Variants in MICU1 observed in about 807,000 individuals in gnomAD.
The protein encoded by MICU1 is mitochondrial calcium uptake 1.
In MICU1, 45 loss-of-function variants were observed where a neutral mutation model predicts 56.8. That is an observed-to-expected ratio of 0.79 (90% CI 0.62 to 1.02). The LOEUF is 1.02. Among genes scored for constraint, MICU1 ranks in the 50% least tolerant of loss-of-function variants. The pLI is 0.00. For synonymous variants in MICU1, 186 were observed against 195.1 expected, an observed-to-expected ratio of 0.95 and a Z score of 0.39; for missense variants, 504 against 587.1, an observed-to-expected ratio of 0.86 and a Z score of 1.46.
chr10:72,441,563 A>T (rs1040022924), intron 8 of MICU1, among the ~76,000 whole-genome samples: 1 of 150,292 alleles, frequency 6.7e-6, no homozygotes, highest in Non-Finnish European at 1.5e-5. Context: ...AAAAAAAAAA[A>T]AAAGAAATAA....
intron 4 of MICU1, among the ~76,000 whole-genome samples, chr10:72,548,803 T>A (rs1400720666): frequency 6.6e-6 from 1 of 152,154 alleles, no homozygotes; most frequent in African/African-American, 2.4e-5. Flanking sequence ...TTCAAGTGAT[T>A]CTCCTGCCTC....
In MICU1 at chr10:72,591,418, A is replaced by G. The variant is rs563803212; in HGVS notation, c.-1-24624T>C. 7.9e-5 allele frequency among the ~76,000 whole-genome samples: 12 copies of G among 152,212 alleles called. No individual in the cohort carries two copies. In the East Asian group the frequency reaches 2.1e-3, roughly 27 times the overall value. ...ATGAAAAAGAGAAAAAAATAGAGAA[A>G]AATCAGTAAAACCAAAAGCTGGTTA... On this transcript the variant is annotated intron_variant, in intron 1 of 11. Coordinates refer to ENST00000361114, the MANE Select transcript of MICU1 (RefSeq NM_001195518.2).
At chr10:72,451,314 T>C (rs185094569) in intron 8 of MICU1, among the ~76,000 whole-genome samples, 1 of 152,156 alleles carries the variant, frequency 6.6e-6, no homozygotes, top group Non-Finnish European at 1.5e-5. Context: ...TGAGCCACCA[T>C]GCCTGGCCTA....
At chr10:72,503,760 G>A (rs1433010641) in intron 6 of MICU1, among the ~76,000 whole-genome samples, 1 of 151,872 alleles carries the variant, frequency 6.6e-6, no homozygotes, top group African/African-American at 2.4e-5. Flanking sequence ...TGACTTTACT[G>A]AAGTTTCAGG....
chr10:72,596,830 G>A (rs560762692), intron 1 of MICU1, among the ~76,000 whole-genome samples: 350 of 149,414 alleles, frequency 2.3e-3, no homozygotes, highest in Non-Finnish European at 3.3e-3. Flanking sequence ...CCGAGATGGC[G>A]CCACTGCACT....
intron 2 of MICU1, 82 bp from the exon 3 acceptor site, chr10:72,563,145 G>A: frequency 9.6e-7 from 1 of 1,046,602 alleles, no homozygotes; most frequent in Non-Finnish European, 1.3e-6. Flanking sequence ...CAGCTTAGCA[G>A]AGCAACAGCA....
chr10:72,596,868 G>A (rs552474888), intron 1 of MICU1, among the ~76,000 whole-genome samples: 7 of 145,014 alleles, frequency 4.8e-5, no homozygotes, highest in African/African-American at 1.3e-4. Flanking sequence ...GGAAGACCCC[G>A]TCTCAAAAAA....
chr10:72,601,428 TAAAAAAAA>T (rs77385847), intron 1 of MICU1, among the ~76,000 whole-genome samples: 2 of 91,020 alleles, frequency 2.2e-5, no homozygotes, highest in African/African-American at 8.5e-5. Flanking sequence ...ACCCTGTCTT[TAAAAAAAA>T]AAAAAAAAAA....
chr10:72,502,134 C>T (rs1437152749), intron 6 of MICU1, among the ~76,000 whole-genome samples: 1 of 145,312 alleles, frequency 6.9e-6, no homozygotes, highest in Non-Finnish European at 1.5e-5. Context: ...AGTTCATTAA[C>T]TTTGTTTTGC....
chr10:72,468,294 C>CTT (rs35225891), intron 8 of MICU1, among the ~76,000 whole-genome samples: 38 of 136,660 alleles, frequency 2.8e-4, no homozygotes, highest in Non-Finnish European at 4.0e-4. Context: ...TTAGTTTTTG[C>CTT]TTTTTTTTTT....
At chr10:72,506,894 C>A (rs1272283689) in intron 6 of MICU1, among the ~76,000 whole-genome samples, 1 of 152,088 alleles carries the variant, frequency 6.6e-6, no homozygotes, top group Non-Finnish European at 1.5e-5. Context: ...ATTTTCATTG[C>A]CAGGGTACTG....
At chr10:72,387,027 A>T (rs1490050940) in intron 10 of MICU1, among the ~76,000 whole-genome samples, 1 of 152,222 alleles carries the variant, frequency 6.6e-6, no homozygotes, top group Non-Finnish European at 1.5e-5. Context: ...TCTTACTTCA[A>T]ATGTACCTGA....
intron 8 of MICU1, among the ~76,000 whole-genome samples, chr10:72,423,574 A>G (rs1864249359): frequency 6.6e-6 from 1 of 152,206 alleles, no homozygotes; most frequent in Non-Finnish European, 1.5e-5. Flanking sequence ...TACTATTGTC[A>G]GAGACAGTCA....
chr10:72,470,889 CTT>C (rs1419772055), intron 8 of MICU1, among the ~76,000 whole-genome samples: 1 of 152,196 alleles, frequency 6.6e-6, no homozygotes, highest in African/African-American at 2.4e-5. Context: ...AAGGAACAGT[CTT>C]AGCACATCTT....
At chr10:72,427,131 G>A (rs1326333994) in intron 8 of MICU1, among the ~76,000 whole-genome samples, 1 of 152,218 alleles carries the variant, frequency 6.6e-6, no homozygotes, top group South Asian at 2.1e-4. Context: ...TGTCTAGGAA[G>A]AGAGCTTAAC....
At chr10:72,436,328 G>A (rs901146395) in intron 8 of MICU1, among the ~76,000 whole-genome samples, 3 of 152,314 alleles carry the variant, frequency 2.0e-5, no homozygotes, top group African/African-American at 7.2e-5. Context: ...GGACCTGACT[G>A]TTAGAAGGAA....
intron 8 of MICU1, among the ~76,000 whole-genome samples, chr10:72,471,619 G>C (rs1046588876): frequency 6.6e-6 from 1 of 151,548 alleles, no homozygotes; most frequent in Non-Finnish European, 1.5e-5. Flanking sequence ...TTTTGTTTTT[G>C]CTAAAAGTAT....
chr10:72,524,088 C>T, intron 5 of MICU1: 1 of 776,792 alleles, frequency 1.3e-6, no homozygotes. Context: ...AGTCCTGTTA[C>T]AGTTCAAGTA....
rs60373032 is a variant in MICU1 at position 72,403,629 on chromosome 10, TTGTGTGTGTGTGTGTGTGTG to T, written c.1180+4280_1180+4299del. 2.9e-5 allele frequency among the ~76,000 whole-genome samples: 4 copies of T among 139,932 alleles called. No individual in the cohort carries two copies. The East Asian group carries it at 8.8e-4, about 31-fold the overall frequency. The allele number at this position is 139,932 out of a possible 152,430, so 91.8% of individuals were successfully genotyped here. A position where few individuals can be genotyped will look rare whatever the true frequency, so the allele number is the denominator to read the frequency against. On this transcript the variant is annotated intron_variant, in intron 10 of 11. Coordinates refer to ENST00000361114, the MANE Select transcript of MICU1 (RefSeq NM_001195518.2). ...ATGTAAAAAATATTACATACCAAAA[TTGTGTGTGTGTGTGTGTGTG>T]TGTGTGTGTGTGTGTGTGTGTTTTG...
Sources: gnomAD v4.1 joint callset for allele counts (sites outside exome capture counted in the v4.1 genomes callset) on GRCh38, gnomAD v4.1.1 for gene constraint, MANE v1.5 for transcripts, NCBI Gene and HGNC (gene_info 2026-07-23, HGNC 2026-07-21) for gene names.